The following LINGO2 variants were observed in gnomAD, a reference collection of about 807,000 sequenced individuals.
The protein encoded by LINGO2 is leucine-rich repeat and immunoglobulin-like domain-containing nogo receptor-interacting protein 2.
Under a neutral mutation model 30.6 loss-of-function variants are expected in LINGO2, and 14 were observed. The ratio of observed to expected loss-of-function variants is 0.46; its 90% CI spans 0.30 to 0.72. The LOEUF is 0.72. Among genes scored for constraint, LINGO2 ranks in the 30% least tolerant of loss-of-function variants. The pLI is 0.07. For missense variants in LINGO2, 729 were observed against 751.7 expected (o/e 0.97, Z 0.35); for synonymous variants, 317 against 288.5 (o/e 1.10, Z -1.00).
chr9:28,886,777 C>T, the LINGO2 span, among the ~76,000 whole-genome samples: 15 of 152,150 alleles, frequency 9.9e-5, no homozygotes, highest in Middle Eastern at 3.4e-3. Context: ...TAAAACTTTG[C>T]TTTTATGAGA....
chr9:27,946,282 G>A (rs1264744053), downstream of LINGO2, among the ~76,000 whole-genome samples: 1 of 151,970 alleles, frequency 6.6e-6, no homozygotes, highest in African/African-American at 2.4e-5. Context: ...CTGATAGACT[G>A]GTCAACAGGA....
intron 1 of LINGO2, among the ~76,000 whole-genome samples, chr9:28,481,159 C>G (rs1825949012): frequency 6.6e-6 from 1 of 152,254 alleles, no homozygotes; most frequent in East Asian, 1.9e-4. Context: ...CCTTTTTGGG[C>G]TCATTTCCTA....
chr9:28,837,649 A>AATATATATATAT, the LINGO2 span, among the ~76,000 whole-genome samples: 3,857 of 75,488 alleles, frequency 0.051, 646 homozygotes, highest in Middle Eastern at 0.12. Flanking sequence ...CTCCGTCTAA[A>AATATATATATAT]ATATATATAT....
chr9:28,208,750 T>C lies in LINGO2; in HGVS notation c.-87+86458A>G, dbSNP rs141806138. On this transcript the variant is annotated intron_variant, in intron 4 of 5. Coordinates refer to ENST00000379992, the Ensembl canonical transcript of LINGO2. The stretch of plus-strand genomic sequence containing the variant: ...TTTTCAGTCTCTTCATTAACCTATG[T>C]ACTCATAGGCATATAATGTCTAATT... Among the ~76,000 whole-genome samples, 413 of 152,128 alleles carry C rather than the reference T, an allele frequency of 2.7e-3. 5 individuals carry two copies. The highest frequency in any genetic ancestry group is 9.4e-3 in the African/African-American group (391 of 41,538).
intron 1 of LINGO2, among the ~76,000 whole-genome samples, chr9:28,580,085 G>A (rs1824183564): frequency 6.6e-6 from 1 of 152,046 alleles, no homozygotes; most frequent in Non-Finnish European, 1.5e-5. Flanking sequence ...AGTGCAGAAT[G>A]TGTGTATGTC....
chr9:28,518,933 T>C (rs1467582145), intron 1 of LINGO2, among the ~76,000 whole-genome samples: 1 of 152,216 alleles, frequency 6.6e-6, no homozygotes, highest in African/African-American at 2.4e-5. Flanking sequence ...ACTTGTGTTG[T>C]ACTTTCTGCT....
chr9:28,221,321 AAAAAG>A (rs1820958519), intron 4 of LINGO2, among the ~76,000 whole-genome samples: 1 of 148,590 alleles, frequency 6.7e-6, no homozygotes, highest in South Asian at 2.1e-4. Context: ...AAAAAAAAAA[AAAAAG>A]CAAAGATAGA....
intron 3 of LINGO2, among the ~76,000 whole-genome samples, chr9:28,348,142 G>A (rs1311460110): frequency 6.6e-6 from 1 of 152,106 alleles, no homozygotes; most frequent in Non-Finnish European, 1.5e-5. Flanking sequence ...CACGGTGGAG[G>A]AGCCAAGATG....
Position 28,003,707 on chromosome 9 carries a change from C to T in LINGO2, c.-36+8648G>A, listed in dbSNP as rs552484721. On this transcript the variant is annotated intron_variant, in intron 5 of 5. Coordinates refer to ENST00000379992, the Ensembl canonical transcript of LINGO2. ...CGATCTCCTGACCTTGTGATCCGCCCGCCTTGGCCTCCCAGTTGATGATGT... is the reference window on the plus strand; with the variant it reads ...CGATCTCCTGACCTTGTGATCCGCCTGCCTTGGCCTCCCAGTTGATGATGT... Among the ~76,000 whole-genome samples the T allele has an allele frequency of 6.8e-4, 103 of 152,256 alleles. 3 individuals carry two copies. The South Asian group carries it at 0.018, about 27-fold the overall frequency.
intron 4 of LINGO2, among the ~76,000 whole-genome samples, chr9:28,291,952 T>C (rs1051908279): frequency 1.3e-5 from 2 of 152,080 alleles, no homozygotes; most frequent in African/African-American, 2.4e-5. Flanking sequence ...AAAAGACACA[T>C]TGCATATAGG....
chr9:28,987,038 T>C, the LINGO2 span, among the ~76,000 whole-genome samples: 3,075 of 150,828 alleles, frequency 0.02, 94 homozygotes, highest in African/African-American at 0.07. Flanking sequence ...TTGTATCCTG[T>C]AATATTATTG....
intron 4 of LINGO2, among the ~76,000 whole-genome samples, chr9:28,105,234 A>C (rs917542380): frequency 2.0e-5 from 3 of 152,188 alleles, no homozygotes; most frequent in Admixed American, 6.5e-5. Flanking sequence ...TGTACTGATG[A>C]GAAGTCACGT....
the LINGO2 span, among the ~76,000 whole-genome samples, chr9:28,725,292 T>C: frequency 1.3e-5 from 2 of 151,414 alleles, no homozygotes; most frequent in African/African-American, 4.9e-5. Context: ...AAACAAGCAA[T>C]CCTAATTTAA....
At chr9:28,641,757 TG>T (rs764506428) in intron 1 of LINGO2, among the ~76,000 whole-genome samples, 9 of 152,088 alleles carry the variant, frequency 5.9e-5, no homozygotes, top group Non-Finnish European at 1.3e-4. Context: ...CAAGACACAG[TG>T]ATGTGCAAAA....
At chr9:29,203,750 A>G in the LINGO2 span, among the ~76,000 whole-genome samples, 6 of 152,170 alleles carry the variant, frequency 3.9e-5, no homozygotes, top group Non-Finnish European at 5.9e-5. Context: ...CCTATTATCC[A>G]CACAGCACTT....
intron 4 of LINGO2, among the ~76,000 whole-genome samples, chr9:28,066,521 T>C (rs1441373418): frequency 6.6e-6 from 1 of 152,044 alleles, no homozygotes; most frequent in East Asian, 1.9e-4. Flanking sequence ...GTGGAAACCT[T>C]AGCTAGGAGA....
intron 2 of LINGO2, among the ~76,000 whole-genome samples, chr9:28,439,704 C>A (rs10812827): frequency 0.13 from 20,130 of 152,172 alleles, 1,431 homozygotes; most frequent in South Asian, 0.22. Flanking sequence ...GCTCCCCAGG[C>A]ATGGTTCCTG....
At chr9:29,029,754 T>C in the LINGO2 span, among the ~76,000 whole-genome samples, 1 of 152,056 alleles carries the variant, frequency 6.6e-6, no homozygotes, top group African/African-American at 2.4e-5. Context: ...GCAAGTGGAT[T>C]GGGGCAAGCA....
chr9:28,680,314 G>T, the LINGO2 span, among the ~76,000 whole-genome samples: 1 of 151,792 alleles, frequency 6.6e-6, no homozygotes, highest in Non-Finnish European at 1.5e-5. Context: ...TAAGAGACTG[G>T]GTAGTATTCT....
Sources: allele counts gnomAD v4.1 joint callset (sites outside exome capture counted in the v4.1 genomes callset), GRCh38; gene constraint gnomAD v4.1.1; transcripts MANE v1.5; gene names NCBI Gene and HGNC (gene_info 2026-07-23, HGNC 2026-07-21).